Variants in CFAP92 observed in about 807,000 individuals in gnomAD.
CFAP92 encodes the protein uncharacterized protein CFAP92.
CFAP92 carries 86 observed loss-of-function variants against 106.3 expected under a neutral mutation model. That is an observed-to-expected ratio of 0.81 (90% confidence interval 0.68 to 0.97). The LOEUF (loss-of-function observed/expected upper bound fraction) is 0.97, where lower values mean the gene tolerates loss of function less well. CFAP92 is among the 50% of genes least tolerant of loss of function. CFAP92 has a pLI of 0.00. For missense variants in CFAP92, 1,204 were observed against 1,283.8 expected (o/e 0.94, Z 0.95); for synonymous variants, 477 against 506.4 (o/e 0.94, Z 0.78).
At chr3:128,992,575 T>A (rs533759424) in intron 2 of CFAP92, among the ~76,000 whole-genome samples, 18 of 150,424 alleles carry the variant, frequency 1.2e-4, no homozygotes, top group African/African-American at 4.2e-4. Context: ...AAAAAAGAAT[T>A]ATTATTTTTT....
chr3:128,991,735 T>C, intron 2 of CFAP92: 2 of 1,018,236 alleles, frequency 2.0e-6, no homozygotes, highest in Non-Finnish European at 2.4e-6. Context: ...CCACACCGCC[T>C]CGTGTTGTCT....
At chr3:129,002,208 G>A in intron 1 of CFAP92, 1 of 1,521,450 alleles carries the variant, frequency 6.6e-7, no homozygotes, top group Non-Finnish European at 8.8e-7. Flanking sequence ...CCCCGACAGC[G>A]GTCCTGACTG....
intron 9 of CFAP92, among the ~76,000 whole-genome samples, chr3:128,946,327 G>A (rs774218097): frequency 3.0e-5 from 4 of 132,352 alleles, no homozygotes; most frequent in Non-Finnish European, 5.0e-5. Flanking sequence ...AAGGTACAGA[G>A]AAGTGATTTT....
upstream of CFAP92, among the ~76,000 whole-genome samples, chr3:128,996,358 TG>T (rs1320294043): frequency 6.6e-6 from 1 of 152,236 alleles, no homozygotes; most frequent in African/African-American, 2.4e-5. Flanking sequence ...GGTGATTTGT[TG>T]TGCAATAAAT....
intron 15 of CFAP92, among the ~76,000 whole-genome samples, chr3:128,912,342 CCCTGCAGCCCTGAAT>C (rs1294470971): frequency 6.6e-6 from 1 of 152,158 alleles, no homozygotes; most frequent in African/African-American, 2.4e-5. Flanking sequence ...CCCTTTCTCT[CCCTGCAGCCCTGAAT>C]CACTTGCTGG....
intron 12 of CFAP92, among the ~76,000 whole-genome samples, chr3:128,926,901 G>A (rs530067972): frequency 2.0e-5 from 3 of 151,954 alleles, no homozygotes; most frequent in Admixed American, 2.0e-4. Flanking sequence ...TGAGACCAGT[G>A]TGGCCAACAT....
chr3:128,939,094 GA>G (rs1009010333), intron 10 of CFAP92, among the ~76,000 whole-genome samples: 2 of 152,016 alleles, frequency 1.3e-5, no homozygotes. Context: ...ACCATTTATT[GA>G]AAAGTTTATC....
intron 15 of CFAP92, among the ~76,000 whole-genome samples, chr3:128,913,607 C>T (rs1209698320): frequency 6.6e-6 from 1 of 152,126 alleles, no homozygotes; most frequent in Non-Finnish European, 1.5e-5. Context: ...ACTCTTTTTC[C>T]TCCAAGTATA....
At chr3:129,009,560 C>A in the CFAP92 span, among the ~76,000 whole-genome samples, 2 of 152,224 alleles carry the variant, frequency 1.3e-5, no homozygotes, top group South Asian at 4.1e-4. Flanking sequence ...GATGCTCTGA[C>A]TGGCCAAACC....
intron 2 of CFAP92, chr3:128,991,568 A>G (rs889427371): frequency 1.9e-5 from 3 of 159,232 alleles, no homozygotes; most frequent in Non-Finnish European, 4.1e-5. Context: ...AAGATGAGAA[A>G]GAGGCCATCC....
chr3:128,977,528 A>G (rs1290163203), intron 5 of CFAP92, among the ~76,000 whole-genome samples: 1 of 152,158 alleles, frequency 6.6e-6, no homozygotes, highest in Non-Finnish European at 1.5e-5. Context: ...CTATTCACTG[A>G]ATTTTCTAAA....
chr3:128,994,068 T>C lies in CFAP92; in HGVS notation c.-121A>G. The C allele has an allele frequency of 1.0e-6, 1 of 985,962 alleles. No homozygotes were observed. Among genetic ancestry groups the C allele is most frequent in the Non-Finnish European group, 1.2e-6 (1 of 830,156 alleles). The allele number at this position is 985,962 out of a possible 1,614,324, so 61.1% of individuals were successfully genotyped here. ...TCCACAGCCACCTGGGCGAAGAGAC[T>C]CCAAGACTGAGAGGAGCGTCCGCCG... On this transcript the variant is annotated 5_prime_UTR_variant, in exon 1 of 16. Coordinates refer to ENST00000645291, the MANE Select transcript of CFAP92 (RefSeq NM_001394090.1).
rs892039976 is a variant in CFAP92, at chr3:128,991,325, A to G, written c.262+1718T>C. On this transcript the variant is annotated intron_variant, in intron 2 of 15. Coordinates refer to ENST00000645291, the MANE Select transcript of CFAP92 (RefSeq NM_001394090.1). The stretch of plus-strand genomic sequence containing the variant: ...ACAAAAAGTTCAGTTCACCAAGAAG[A>G]TGGAGCAGTTCTAAACATACTATAC... 2.6e-5 allele frequency among the ~76,000 whole-genome samples: 4 copies of G among 152,228 alleles called. No individual in the cohort carries two copies. The East Asian group carries it at 7.7e-4, about 29-fold the overall frequency.
At position 128,948,140 on chromosome 3, in the gene CFAP92, A is replaced by G. The variant is rs114253937; in HGVS notation, c.1354-2165T>C. Among the ~76,000 whole-genome samples, 606 of 152,242 alleles carry G rather than the reference A, an allele frequency of 4.0e-3. 3 individuals carry two copies. The highest frequency in any genetic ancestry group is 6.6e-3 in the Non-Finnish European group (450 of 67,996). On this transcript the variant is annotated intron_variant, in intron 9 of 15. Coordinates refer to ENST00000645291, the MANE Select transcript of CFAP92 (RefSeq NM_001394090.1). The stretch of plus-strand genomic sequence containing the variant: ...CTGGGAGAAAATATTAGCAAATAAT[A>G]TATCCAACAACAGACTTAAATCCAG...
In CFAP92 at chr3:128,963,021, T is replaced by A. The variant is rs528266317; in HGVS notation, c.1353+2490A>T. 1.2e-4 allele frequency among the ~76,000 whole-genome samples: 18 copies of A among 152,352 alleles called. No individual in the cohort carries two copies. The East Asian group carries it at 3.3e-3, about 28-fold the overall frequency. ...TCTTTGCCTTCACTTAGACTGACCC[T>A]GACACCCATTAGGCTCAGCAAATTA... is the stretch of plus-strand genomic sequence containing the variant. On this transcript the variant is annotated intron_variant, in intron 9 of 15. Transcript: ENST00000645291.
chr3:128,993,961 C>T lies in CFAP92; in HGVS notation c.-33+19G>A. ...GGTGGGGGCAGGGGTCGGGGTTCCC[C>T]TCCAGGTGCTGGCGGTACCTGCGAG... On this transcript the variant is annotated intron_variant, in intron 1 of 15. Coordinates refer to ENST00000645291, the MANE Select transcript of CFAP92 (RefSeq NM_001394090.1). 6.1e-6 allele frequency: 6 copies of T among 987,690 alleles called. No individual in the cohort carries two copies. Among genetic ancestry groups the T allele is most frequent in the Non-Finnish European group, 7.2e-6 (6 of 831,264 alleles). 61.2% of individuals were successfully genotyped at this position (987,690 alleles called of 1,614,324 possible).
At chr3:129,024,186 T>C in the CFAP92 span, among the ~76,000 whole-genome samples, 1 of 152,148 alleles carries the variant, frequency 6.6e-6, no homozygotes, top group Non-Finnish European at 1.5e-5. Flanking sequence ...CTTATTCATA[T>C]TTATTTGTTC....
rs762992023 is a variant in CFAP92 at position 128,909,979 on chromosome 3, GT to G, written c.*319del. 2.5e-6 allele frequency: 4 copies of G among 1,608,872 alleles called. No individual in the cohort carries two copies. Among genetic ancestry groups the G allele is most frequent in the Non-Finnish European group, 3.4e-6 (4 of 1,178,140 alleles). On this transcript the variant is annotated 3_prime_UTR_variant, in exon 16 of 16. Transcript: ENST00000645291. ...CAGGGAGGGACCATGTGGGGGACTG[GT>G]CTAGGTAGTGAGTCCCCACTTGGAG...
In CFAP92 at chr3:128,945,311, A is replaced by G. The variant is rs769047249; in HGVS notation, c.2018T>C (p.Leu673Pro). The stretch of plus-strand genomic sequence containing the variant: ...GGTGATGTCCTGCAGCAGGCTGTGG[A>G]GCAGGGAGACCTTCTTAAAGTCAAA... ...FVFDFKKVSL[L>P]HSLLQDITMI... Residue 673 changes from leucine to proline, a missense_variant, in exon 10 of 16, where the codon CTC becomes CCC. By Grantham distance (98) the Leu-to-Pro change is moderately conservative (BLOSUM62 -3). Coordinates refer to ENST00000645291, the MANE Select transcript of CFAP92 (RefSeq NM_001394090.1). 195 of 1,535,988 alleles carry G rather than the reference A, an allele frequency of 1.3e-4. No individual in the cohort carries two copies. The highest frequency in any genetic ancestry group is 1.7e-4 in the Non-Finnish European group (193 of 1,146,918).
Sources: allele counts gnomAD v4.1 joint callset (sites outside exome capture counted in the v4.1 genomes callset), GRCh38; gene constraint gnomAD v4.1.1; transcripts MANE v1.5; gene names NCBI Gene and HGNC (gene_info 2026-07-23, HGNC 2026-07-21).